FRMD5: variants seen among roughly 807,000 people sequenced by gnomAD.
The protein encoded by FRMD5 is FERM domain containing 5.
FRMD5 carries 20 observed loss-of-function variants against 69.0 expected under a neutral mutation model. The observed-to-expected ratio is 0.29, with a 90% CI of 0.20 to 0.42. The LOEUF (loss-of-function observed/expected upper bound fraction) is 0.42. Among genes scored for constraint, FRMD5 ranks in the 10% least tolerant of loss-of-function variants. The probability of loss-of-function intolerance (pLI) is 1.00; values close to 1 mark genes in which losing one functional copy is unlikely to be tolerated. For missense variants in FRMD5, 595 were observed against 708.6 expected (o/e 0.84, Z 1.82); for synonymous variants, 271 against 260.1 (o/e 1.04, Z -0.40).
chr15:43,895,337 C>T (rs1437320743), intron 7 of FRMD5, among the ~76,000 whole-genome samples: 1 of 152,236 alleles, frequency 6.6e-6, no homozygotes, highest in East Asian at 1.9e-4. Flanking sequence ...GAGGCCATGA[C>T]ACAGTCAGAG....
chr15:44,012,559 T>C (rs757319611), intron 1 of FRMD5, among the ~76,000 whole-genome samples: 95 of 152,174 alleles, frequency 6.2e-4, no homozygotes, highest in Non-Finnish European at 6.9e-4. Flanking sequence ...AACCGGTCAC[T>C]AACTTCCCAA....
chr15:44,100,396 TC>T (rs898769092), intron 1 of FRMD5, among the ~76,000 whole-genome samples: 68 of 152,096 alleles, frequency 4.5e-4, no homozygotes, highest in African/African-American at 1.4e-3. Flanking sequence ...ATCCCAACTC[TC>T]CACATTGTCA....
intron 1 of FRMD5, among the ~76,000 whole-genome samples, chr15:44,116,899 T>C (rs532954582): frequency 1.2e-3 from 175 of 149,956 alleles, no homozygotes; most frequent in African/African-American, 3.9e-3. Context: ...CTGGGCAACA[T>C]GGTAAAACCC....
intron 1 of FRMD5, among the ~76,000 whole-genome samples, chr15:44,184,078 A>C (rs1475690881): frequency 6.6e-6 from 1 of 150,994 alleles, no homozygotes; most frequent in Admixed American, 6.6e-5. Context: ...TAAGGCTCTC[A>C]CTCCAACCCC....
chr15:44,110,797 C>T (rs933318660), intron 1 of FRMD5, among the ~76,000 whole-genome samples: 5 of 152,192 alleles, frequency 3.3e-5, no homozygotes, highest in Admixed American at 6.5e-5. Context: ...CTGAATCTCT[C>T]TAAACTTGTT....
At chr15:44,003,579 G>A (rs1316764714) in intron 1 of FRMD5, among the ~76,000 whole-genome samples, 4 of 152,084 alleles carry the variant, frequency 2.6e-5, no homozygotes, top group African/African-American at 9.7e-5. Context: ...CTTGCTATTT[G>A]TCACACTCTA....
intron 1 of FRMD5, among the ~76,000 whole-genome samples, chr15:43,979,984 T>G (rs2090524059): frequency 6.6e-6 from 1 of 152,222 alleles, no homozygotes; most frequent in Admixed American, 6.5e-5. Flanking sequence ...CAAGACATAT[T>G]AGATTGTAGT....
At chr15:44,190,808 A>G (rs2078180315) in intron 1 of FRMD5, among the ~76,000 whole-genome samples, 1 of 152,264 alleles carries the variant, frequency 6.6e-6, no homozygotes, top group African/African-American at 2.4e-5. Context: ...CAAACAAATT[A>G]GAACAAATAT....
intron 1 of FRMD5, among the ~76,000 whole-genome samples, chr15:43,994,106 C>A (rs776744173): frequency 1.3e-5 from 2 of 152,168 alleles, no homozygotes; most frequent in Admixed American, 6.5e-5. Context: ...TAGGGACTTA[C>A]TATTGCCATT....
At chr15:43,944,386 G>A (rs1246285266) in intron 1 of FRMD5, among the ~76,000 whole-genome samples, 2 of 152,178 alleles carry the variant, frequency 1.3e-5, no homozygotes, top group African/African-American at 4.8e-5. Context: ...CAGGAGGGCA[G>A]AGCCCTTACA....
intron 6 of FRMD5, among the ~76,000 whole-genome samples, chr15:43,904,494 G>C (rs896058621): frequency 3.0e-4 from 45 of 152,028 alleles, no homozygotes; most frequent in African/African-American, 1.1e-3. Flanking sequence ...TCAGACTCCT[G>C]AGTAGCTGGG....
At chr15:43,884,919 G>T in intron 11 of FRMD5, 124 bp from the exon 12 acceptor site, 1 of 797,460 alleles carries the variant, frequency 1.3e-6, no homozygotes, top group Non-Finnish European at 2.1e-6. Context: ...CCCTTTCCCT[G>T]ATGTTTTGGT....
intron 1 of FRMD5, among the ~76,000 whole-genome samples, chr15:43,937,156 C>T (rs1595536472): frequency 6.6e-6 from 1 of 152,126 alleles, no homozygotes; most frequent in Admixed American, 6.6e-5. Context: ...TTTCTCTTTA[C>T]AGTTTTTCTG....
At chr15:43,928,829 T>C (rs1209805366) in intron 1 of FRMD5, among the ~76,000 whole-genome samples, 1 of 152,202 alleles carries the variant, frequency 6.6e-6, no homozygotes, top group African/African-American at 2.4e-5. Context: ...GTGATTACTG[T>C]TTAGTCACAA....
intron 1 of FRMD5, among the ~76,000 whole-genome samples, chr15:44,028,191 A>G (rs185346104): frequency 2.0e-5 from 3 of 152,332 alleles, no homozygotes; most frequent in African/African-American, 4.8e-5. Flanking sequence ...GACTTTTCCA[A>G]AATACTTTTT....
intron 1 of FRMD5, among the ~76,000 whole-genome samples, chr15:44,046,532 G>A (rs570303058): frequency 6.6e-6 from 1 of 152,274 alleles, no homozygotes; most frequent in East Asian, 1.9e-4. Context: ...AATGGGCCAT[G>A]CACAAAAATA....
chr15:43,964,055 A>G (rs1453181156), intron 1 of FRMD5, among the ~76,000 whole-genome samples: 1 of 151,922 alleles, frequency 6.6e-6, no homozygotes, highest in East Asian at 1.9e-4. Flanking sequence ...TTAAAGTATA[A>G]TAATAATAAT....
chr15:44,149,376 T>C (rs1490941489), intron 1 of FRMD5, among the ~76,000 whole-genome samples: 1 of 151,930 alleles, frequency 6.6e-6, no homozygotes, highest in Non-Finnish European at 1.5e-5. Context: ...AAAACTATAA[T>C]ATATATAGAA....
intron 1 of FRMD5, among the ~76,000 whole-genome samples, chr15:43,975,378 C>A: frequency 6.6e-6 from 1 of 152,064 alleles, no homozygotes; most frequent in East Asian, 1.9e-4. Flanking sequence ...ACAAAATAGA[C>A]GAAACATAAG....
Sources: allele counts gnomAD v4.1 joint callset (sites outside exome capture counted in the v4.1 genomes callset), GRCh38; gene constraint gnomAD v4.1.1; transcripts MANE v1.5; gene names NCBI Gene and HGNC (gene_info 2026-07-23, HGNC 2026-07-21).